Variants in TENM2 observed in about 807,000 individuals in gnomAD.
TENM2 encodes the protein teneurin-2.
TENM2 carries 52 observed loss-of-function variants against 245.2 expected under a neutral mutation model. The observed-to-expected ratio is 0.21, with a 90% CI of 0.17 to 0.27. TENM2 has a LOEUF of 0.27. TENM2 is among the 10% of genes least tolerant of loss of function. The pLI, the probability that TENM2 is intolerant of heterozygous loss-of-function variation, is 1.00. For synonymous variants in TENM2, 1,363 were observed against 1,438.9 expected (o/e 0.95, Z 1.19); for missense variants, 3,046 against 3,666.8 (o/e 0.83, Z 4.37).
At chr5:167,262,303 G>A in the TENM2 span, among the ~76,000 whole-genome samples, 27 of 151,914 alleles carry the variant, frequency 1.8e-4, no homozygotes, top group Non-Finnish European at 3.2e-4. Flanking sequence ...GGTTGCAGTG[G>A]GCTGGGATCA....
chr5:168,193,118 G>A (rs1761099410), intron 14 of TENM2, among the ~76,000 whole-genome samples: 2 of 152,136 alleles, frequency 1.3e-5, no homozygotes, highest in Non-Finnish European at 2.9e-5. Flanking sequence ...AAAGCGTCTC[G>A]GAAGCTTTAA....
chr5:167,043,018 G>A, the TENM2 span, among the ~76,000 whole-genome samples: 4 of 152,296 alleles, frequency 2.6e-5, no homozygotes, highest in Non-Finnish European at 5.9e-5. Flanking sequence ...TCTCTGGAAC[G>A]ATACATTCCT....
At chr5:167,191,886 CACAGAAATA>C in the TENM2 span, among the ~76,000 whole-genome samples, 2 of 151,932 alleles carry the variant, frequency 1.3e-5, no homozygotes, top group Non-Finnish European at 2.9e-5. Context: ...CACTTTTTCA[CACAGAAATA>C]ACATGACAAG....
chr5:168,242,673 C>T (rs1766202617), intron 25 of TENM2, among the ~76,000 whole-genome samples: 1 of 152,176 alleles, frequency 6.6e-6, no homozygotes, highest in Non-Finnish European at 1.5e-5. Context: ...TTACTATCAG[C>T]TGGGCGTGGT....
intron 12 of TENM2, among the ~76,000 whole-genome samples, chr5:168,145,124 G>A (rs1581438761): frequency 6.9e-6 from 1 of 144,270 alleles, no homozygotes; most frequent in Non-Finnish European, 1.5e-5. Context: ...CTCCCATTTT[G>A]TAGGTTGCCT....
At chr5:167,273,288 C>T in the TENM2 span, among the ~76,000 whole-genome samples, 3 of 152,124 alleles carry the variant, frequency 2.0e-5, no homozygotes, top group African/African-American at 4.8e-5. Flanking sequence ...ATAGCAGTAA[C>T]GAGCTGGCAG....
At chr5:167,310,899 A>G (rs749672356) in intron 1 of TENM2, among the ~76,000 whole-genome samples, 8 of 152,214 alleles carry the variant, frequency 5.3e-5, no homozygotes, top group Non-Finnish European at 1.2e-4. Flanking sequence ...TGGGACCTAA[A>G]TGAACCTGCA....
intron 5 of TENM2, among the ~76,000 whole-genome samples, chr5:168,027,118 C>T (rs531900301): frequency 6.6e-6 from 1 of 152,000 alleles, no homozygotes; most frequent in East Asian, 1.9e-4. Flanking sequence ...CACACACACA[C>T]GTGCATGTGA....
At chr5:167,475,471 A>G (rs981666412) in intron 2 of TENM2, among the ~76,000 whole-genome samples, 1 of 152,196 alleles carries the variant, frequency 6.6e-6, no homozygotes, top group Non-Finnish European at 1.5e-5. Context: ...TTTAAAAAGC[A>G]TATAATTTTT....
At chr5:167,163,894 A>G in the TENM2 span, among the ~76,000 whole-genome samples, 1 of 152,138 alleles carries the variant, frequency 6.6e-6, no homozygotes, top group African/African-American at 2.4e-5. Context: ...AGATGAGGCA[A>G]AGGTGCAGTC....
At chr5:167,484,064 C>T (rs1398166546) in intron 2 of TENM2, among the ~76,000 whole-genome samples, 1 of 152,100 alleles carries the variant, frequency 6.6e-6, no homozygotes, top group Non-Finnish European at 1.5e-5. Context: ...TCATTTTGTG[C>T]AGCTGGGCGT....
At chr5:167,709,233 C>T (rs371774777) in intron 2 of TENM2, among the ~76,000 whole-genome samples, 5 of 152,202 alleles carry the variant, frequency 3.3e-5, no homozygotes, top group African/African-American at 7.2e-5. Context: ...GAGTTCACTG[C>T]GTGGTCTTCT....
chr5:167,236,278 G>A, the TENM2 span, among the ~76,000 whole-genome samples: 1 of 152,142 alleles, frequency 6.6e-6, no homozygotes. Context: ...ATGTCTCTGT[G>A]TGTGTATGTG....
chr5:167,957,253 T>C (rs755532025), intron 4 of TENM2, among the ~76,000 whole-genome samples: 1 of 152,200 alleles, frequency 6.6e-6, no homozygotes, highest in African/African-American at 2.4e-5. Flanking sequence ...TTTTCTGGTT[T>C]ATTTGCATAG....
chr5:167,485,525 T>G (rs556598888), intron 2 of TENM2, among the ~76,000 whole-genome samples: 1 of 152,288 alleles, frequency 6.6e-6, no homozygotes, highest in African/African-American at 2.4e-5. Flanking sequence ...ATGAACCATA[T>G]TTTTCATCTC....
chr5:168,228,418 A>G (rs1046279515), intron 25 of TENM2, among the ~76,000 whole-genome samples: 2 of 152,138 alleles, frequency 1.3e-5, no homozygotes, highest in Non-Finnish European at 2.9e-5. Flanking sequence ...ATTTCCTGCT[A>G]TGGGGATTTA....
chr5:167,514,820 G>A (rs1184021879), intron 2 of TENM2, among the ~76,000 whole-genome samples: 1 of 152,164 alleles, frequency 6.6e-6, no homozygotes, highest in Non-Finnish European at 1.5e-5. Context: ...AGACCAGCCT[G>A]ACCAACATGG....
chr5:168,220,220 AT>A (rs1170320335), intron 23 of TENM2, among the ~76,000 whole-genome samples: 1 of 152,064 alleles, frequency 6.6e-6, no homozygotes, highest in Non-Finnish European at 1.5e-5. Flanking sequence ...CACCTCCGAG[AT>A]TTTCATCTTC....
chr5:167,213,766 A>ATT, the TENM2 span, among the ~76,000 whole-genome samples: 1 of 152,202 alleles, frequency 6.6e-6, no homozygotes, highest in African/African-American at 2.4e-5. Flanking sequence ...TAAAACAAAT[A>ATT]TGTGCTACTA....
Sources: gnomAD v4.1 joint callset for allele counts (sites outside exome capture counted in the v4.1 genomes callset) on GRCh38, gnomAD v4.1.1 for gene constraint, MANE v1.5 for transcripts, NCBI Gene and HGNC (gene_info 2026-07-23, HGNC 2026-07-21) for gene names.